The following DLG1 variants were observed in gnomAD, a reference collection of about 807,000 sequenced individuals.
DLG1 encodes disks large homolog 1.
A neutral mutation model predicts 123.4 loss-of-function variants in DLG1; 42 were observed. The ratio of observed to expected loss-of-function variants is 0.34; its 90% CI spans 0.27 to 0.44. The LOEUF is 0.44. DLG1 is among the 20% of genes least tolerant of loss of function. The pLI is 1.00. For synonymous variants in DLG1, 317 were observed against 356.2 expected (o/e 0.89, Z 1.24); for missense variants, 942 against 1,082.6 (o/e 0.87, Z 1.82).
intron 16 of DLG1, among the ~76,000 whole-genome samples, chr3:197,084,225 TA>T (rs1752830027): frequency 6.6e-6 from 1 of 152,192 alleles, no homozygotes; most frequent in South Asian, 2.1e-4. Flanking sequence ...CTGGTATAGC[TA>T]AATGGCACAC....
intron 4 of DLG1, among the ~76,000 whole-genome samples, chr3:197,224,335 T>C (rs1738675123): frequency 1.3e-5 from 2 of 152,144 alleles, no homozygotes; most frequent in African/African-American, 4.8e-5. Context: ...TAATAGTATT[T>C]TGAAACATCT....
chr3:197,108,370 T>C (rs767657667), intron 13 of DLG1, among the ~76,000 whole-genome samples: 5 of 152,218 alleles, frequency 3.3e-5, no homozygotes, highest in African/African-American at 4.8e-5. Context: ...TTGTGAATGA[T>C]TGGTGTTAAT....
rs1252622250 is a variant in DLG1, at chr3:197,133,288, C to T, written c.1021-2617G>A. 3.9e-5 allele frequency among the ~76,000 whole-genome samples: 6 copies of T among 152,108 alleles called. 1 individual carries two copies. Among genetic ancestry groups the T allele is most frequent in the South Asian group, 2.1e-4 (1 of 4,828 alleles). ...TCCTGTGTGAAACTCACCCTAACCA[C>T]GCAAAGAGACCACTGGATAATTAAG... On this transcript the variant is annotated intron_variant, in intron 10 of 24. Coordinates refer to ENST00000667157, the MANE Select transcript of DLG1 (RefSeq NM_001366207.1).
At chr3:197,195,942 A>G (rs1324983983) in intron 4 of DLG1, among the ~76,000 whole-genome samples, 1 of 149,400 alleles carries the variant, frequency 6.7e-6, no homozygotes, top group Non-Finnish European at 1.5e-5. Context: ...TTAGTGAGAG[A>G]AAAAAAAAAT....
intron 5 of DLG1, among the ~76,000 whole-genome samples, chr3:197,164,137 A>G (rs901879907): frequency 3.3e-5 from 5 of 151,992 alleles, no homozygotes; most frequent in African/African-American, 1.2e-4. Flanking sequence ...CACACCTGTA[A>G]TCTCAGCACT....
At chr3:197,091,329 C>T (rs548924454) in intron 14 of DLG1, among the ~76,000 whole-genome samples, 1 of 151,986 alleles carries the variant, frequency 6.6e-6, no homozygotes, top group East Asian at 1.9e-4. Flanking sequence ...TCTTATATTA[C>T]TGTTGAATTT....
intron 7 of DLG1, among the ~76,000 whole-genome samples, 198 bp from the exon 8 acceptor site, chr3:197,140,462 G>A (rs1787400337): frequency 6.6e-6 from 1 of 152,206 alleles, no homozygotes; most frequent in African/African-American, 2.4e-5. Context: ...TGCTGAACAG[G>A]TGAGGTTCAA....
In DLG1 at chr3:197,296,472, G is replaced by A; in HGVS notation, c.25C>T (p.Gln9Ter). The A allele has an allele frequency of 6.2e-7, 1 of 1,613,318 alleles. No homozygotes were observed. Among genetic ancestry groups the A allele is most frequent in the Non-Finnish European group, 8.5e-7 (1 of 1,179,582 alleles). MPVRKQDT[Q>*]RALHLLEEYR... ...TCCTCCAAAAGGTGCAATGCTCTCT[G>A]GGTATCTGAGAAGAAAAAGCAGAGC... Residue 9 changes from glutamine (Q) to a stop codon, truncating the protein, a stop_gained, in exon 3 of 25, where the codon CAG becomes TAG. Transcript: ENST00000667157. LOFTEE classifies it high-confidence loss of function.
At chr3:197,283,661 T>C (rs1271523903) in intron 3 of DLG1, among the ~76,000 whole-genome samples, 1 of 152,204 alleles carries the variant, frequency 6.6e-6, no homozygotes, top group African/African-American at 2.4e-5. Flanking sequence ...CTTAATTCCT[T>C]ATTCACCAAC....
At chr3:197,140,846 T>C (rs933582340) in intron 7 of DLG1, among the ~76,000 whole-genome samples, 4 of 152,320 alleles carry the variant, frequency 2.6e-5, no homozygotes, top group African/African-American at 9.6e-5. Flanking sequence ...GCAAAAGGCA[T>C]TGTTTCACAC....
intron 4 of DLG1, among the ~76,000 whole-genome samples, chr3:197,262,689 T>G (rs1354044195): frequency 3.3e-5 from 5 of 152,162 alleles, no homozygotes; most frequent in African/African-American, 1.2e-4. Flanking sequence ...GAACTGTATT[T>G]ACGTAGAGAC....
intron 5 of DLG1, among the ~76,000 whole-genome samples, chr3:197,176,199 TA>T (rs1214470988): frequency 3.3e-5 from 5 of 152,266 alleles, no homozygotes; most frequent in East Asian, 3.9e-4. Flanking sequence ...AGACTTTATA[TA>T]TTTTTTTAGA....
At chr3:197,281,221 G>A (rs1056270638) in intron 4 of DLG1, among the ~76,000 whole-genome samples, 1 of 152,050 alleles carries the variant, frequency 6.6e-6, no homozygotes, top group African/African-American at 2.4e-5. Flanking sequence ...TATTTTAGAC[G>A]TGAGACGTGG....
At chr3:197,106,903 A>G (rs1227284155) in intron 13 of DLG1, among the ~76,000 whole-genome samples, 1 of 152,188 alleles carries the variant, frequency 6.6e-6, no homozygotes, top group Non-Finnish European at 1.5e-5. Flanking sequence ...CACATTTTTA[A>G]AGCATATAGT....
Position 197,049,498 on chromosome 3 carries a change from T to C in DLG1, c.2575+2079A>G, listed in dbSNP as rs576323580. On this transcript the variant is annotated intron_variant, in intron 24 of 24. Transcript: ENST00000667157. ...AGCCGGGCCCGATGGCTCACGCCTG[T>C]AGTCCCGGCACTTTGGGAGGCCAAG... Among the ~76,000 whole-genome samples, 10 of 152,374 alleles carry C rather than the reference T, an allele frequency of 6.6e-5. No individual in the cohort carries two copies. The South Asian group carries it at 2.1e-3, about 32-fold the overall frequency.
At chr3:197,162,873 C>T (rs1799362410) in intron 5 of DLG1, among the ~76,000 whole-genome samples, 2 of 152,060 alleles carry the variant, frequency 1.3e-5, no homozygotes, top group Non-Finnish European at 1.5e-5. Context: ...GAATTAAAAC[C>T]TTTTGTGCAC....
At chr3:197,267,117 T>C (rs1226192661) in intron 4 of DLG1, among the ~76,000 whole-genome samples, 1 of 152,192 alleles carries the variant, frequency 6.6e-6, no homozygotes, top group Non-Finnish European at 1.5e-5. Flanking sequence ...TCAGCTATAC[T>C]TACACTATGT....
chr3:197,211,789 CAA>C (rs1200347070), intron 4 of DLG1, among the ~76,000 whole-genome samples: 2 of 146,094 alleles, frequency 1.4e-5, no homozygotes, highest in Non-Finnish European at 3.1e-5. Context: ...CATTCTACCA[CAA>C]AGACACATGT....
At chr3:197,299,213 T>G (rs1778722887), upstream of DLG1, 1 of 152,196 alleles carries the variant, frequency 6.6e-6, no homozygotes, top group Admixed American at 6.5e-5. Flanking sequence ...TGCCCACGTC[T>G]TCGAACTTCC....
Sources: gnomAD v4.1 joint callset for allele counts (sites outside exome capture counted in the v4.1 genomes callset) on GRCh38, gnomAD v4.1.1 for gene constraint, MANE v1.5 for transcripts, NCBI Gene and HGNC (gene_info 2026-07-23, HGNC 2026-07-21) for gene names.